LRRC8B: variants seen among roughly 807,000 people sequenced by gnomAD.
The protein encoded by LRRC8B is volume-regulated anion channel subunit LRRC8B.
A neutral mutation model predicts 58.8 loss-of-function variants in LRRC8B; 23 were observed. The ratio of observed to expected loss-of-function variants is 0.39; its 90% CI spans 0.28 to 0.55. LRRC8B has a LOEUF of 0.55. LRRC8B is among the 20% of genes least tolerant of loss of function. LRRC8B has a pLI of 0.62. For synonymous variants in LRRC8B, 359 were observed against 374.1 expected (o/e 0.96, Z 0.47); for missense variants, 694 against 936.0 (o/e 0.74, Z 3.37).
At chr1:89,551,634 TATA>T (rs1286319923) in intron 1 of LRRC8B, among the ~76,000 whole-genome samples, 1 of 152,176 alleles carries the variant, frequency 6.6e-6, no homozygotes, top group Non-Finnish European at 1.5e-5. Context: ...ATTCAATGAA[TATA>T]AATATAAAGG....
At position 89,596,526 on chromosome 1, in the gene LRRC8B, T is replaced by G. The variant is rs1655314559; in HGVS notation, c.*3483T>G. On this transcript the variant is annotated 3_prime_UTR_variant, in exon 6 of 6. Coordinates refer to ENST00000330947, the MANE Select transcript of LRRC8B (RefSeq NM_001369817.2). ...AAAATTTTATGTTTAATTAAAATAT[T>G]GCATAATATTGATGGGTTCAAAAAC... 6.6e-6 allele frequency: 1 copy of G among 152,128 alleles called. No homozygotes were observed. Among genetic ancestry groups the G allele is most frequent in the Admixed American group, 6.5e-5 (1 of 15,274 alleles). The allele number at this position is 152,128 out of a possible 1,614,324, so 9.4% of individuals were successfully genotyped here. A position where few individuals can be genotyped will look rare whatever the true frequency, so the allele number is the denominator to read the frequency against.
chr1:89,545,535 A>T (rs1317887262), intron 1 of LRRC8B, among the ~76,000 whole-genome samples: 1 of 152,194 alleles, frequency 6.6e-6, no homozygotes, highest in Non-Finnish European at 1.5e-5. Flanking sequence ...GCATTTACCA[A>T]GACATTTCCC....
intron 1 of LRRC8B, among the ~76,000 whole-genome samples, chr1:89,555,867 T>C (rs935644995): frequency 2.6e-5 from 4 of 152,186 alleles, no homozygotes; most frequent in Non-Finnish European, 5.9e-5. Context: ...ATGTTATGTG[T>C]GTAATAAAGT....
chr1:89,580,300 G>T (rs1570635531), intron 4 of LRRC8B, among the ~76,000 whole-genome samples: 1 of 152,128 alleles, frequency 6.6e-6, no homozygotes, highest in Non-Finnish European at 1.5e-5. Flanking sequence ...TGAGCATTGG[G>T]TTTCAGTATT....
chr1:89,552,383 C>T (rs967923947), intron 1 of LRRC8B, among the ~76,000 whole-genome samples: 1 of 152,144 alleles, frequency 6.6e-6, no homozygotes, highest in Non-Finnish European at 1.5e-5. Context: ...TACTTAGTAT[C>T]CATCTTAGCA....
chr1:89,564,167 T>A (rs1652871286), intron 1 of LRRC8B, among the ~76,000 whole-genome samples: 1 of 152,212 alleles, frequency 6.6e-6, no homozygotes, highest in Non-Finnish European at 1.5e-5. Flanking sequence ...TAAATGTTTC[T>A]TCATAAGAGG....
rs1459597956 is a variant in LRRC8B, at chr1:89,579,630, C to A, written c.-85C>A. 1.3e-5 allele frequency: 2 copies of A among 152,606 alleles called. No homozygotes were observed. Among genetic ancestry groups the A allele is most frequent in the Non-Finnish European group, 2.9e-5 (2 of 68,030 alleles). 9.5% of individuals were successfully genotyped at this position (152,606 alleles called of 1,614,324 possible). On this transcript the variant is annotated 5_prime_UTR_variant, in exon 4 of 6. Transcript: ENST00000330947. ...CAGAGATGGTGTGTCTAAGAAACTT[C>A]AAAAGGTGTAGACCTCCTGACTGAA... is the stretch of plus-strand genomic sequence containing the variant.
At chr1:89,573,440 A>G (rs114759452) in intron 3 of LRRC8B, among the ~76,000 whole-genome samples, 3,224 of 152,064 alleles carry the variant, frequency 0.021, 104 homozygotes, top group African/African-American at 0.073. Flanking sequence ...CATTTATTCA[A>G]TAACTTTCTC....
chr1:89,543,618 C>A (rs1030160603), intron 1 of LRRC8B, among the ~76,000 whole-genome samples: 1 of 152,144 alleles, frequency 6.6e-6, no homozygotes. Flanking sequence ...GCCTCAGCCT[C>A]CTGAGTAGCT....
At chr1:89,530,858 CG>C (rs1650075832) in intron 1 of LRRC8B, among the ~76,000 whole-genome samples, 1 of 152,036 alleles carries the variant, frequency 6.6e-6, no homozygotes, top group African/African-American at 2.4e-5. Flanking sequence ...TGGGAGGTGC[CG>C]TTTCTCCTTG....
intron 1 of LRRC8B, among the ~76,000 whole-genome samples, chr1:89,567,091 C>T (rs1392748492): frequency 6.6e-6 from 1 of 152,180 alleles, no homozygotes; most frequent in Non-Finnish European, 1.5e-5. Flanking sequence ...CGTGCTGACG[C>T]AGGCCGCCTG....
At chr1:89,576,470 G>T (rs137978551) in intron 3 of LRRC8B, among the ~76,000 whole-genome samples, 123 of 152,238 alleles carry the variant, frequency 8.1e-4, no homozygotes, top group Middle Eastern at 6.8e-3. Flanking sequence ...TTTTAAAAGT[G>T]CCCCAAGAGG....
intron 3 of LRRC8B, among the ~76,000 whole-genome samples, chr1:89,574,467 G>A (rs1408563270): frequency 6.6e-6 from 1 of 152,154 alleles, no homozygotes; most frequent in African/African-American, 2.4e-5. Flanking sequence ...TGAGAAAAAA[G>A]TCAGCAAGAC....
intron 5 of LRRC8B, among the ~76,000 whole-genome samples, chr1:89,587,405 G>A (rs1356677263): frequency 3.3e-5 from 5 of 152,074 alleles, no homozygotes; most frequent in South Asian, 2.1e-4. Flanking sequence ...ATGGTGGCAC[G>A]CGCCTGTAGT....
intron 1 of LRRC8B, among the ~76,000 whole-genome samples, chr1:89,535,207 C>G (rs1650441986): frequency 1.3e-5 from 2 of 152,042 alleles, no homozygotes; most frequent in African/African-American, 4.8e-5. Flanking sequence ...TCAATTACTC[C>G]CAATAAGACT....
chr1:89,582,238 G>GAA (rs1570639117), intron 4 of LRRC8B, among the ~76,000 whole-genome samples: 1 of 151,760 alleles, frequency 6.6e-6, no homozygotes, highest in South Asian at 2.1e-4. Context: ...AAAAAAGAAA[G>GAA]AAAGAAAGAA....
chr1:89,583,674 C>T lies in LRRC8B; in HGVS notation c.1024C>T (p.Leu342=). The T allele has an allele frequency of 6.2e-7, 1 of 1,613,960 alleles. No individual in the cohort carries two copies. Among genetic ancestry groups the T allele is most frequent in the Non-Finnish European group, 8.5e-7 (1 of 1,180,030 alleles). ...YSLWWMLRSS[L]KQYSFEALRE... Reference sequence around the variant, plus strand: ...CCTGTGGTGGATGCTGAGGAGTTCCCTGAAGCAATATTCCTTTGAGGCGTT... The same window carrying T: ...CCTGTGGTGGATGCTGAGGAGTTCCTTGAAGCAATATTCCTTTGAGGCGTT... The change falls in exon 5 of 6, where the codon CTG becomes TTG. Residue 342 remains leucine (L), a synonymous_variant. Coordinates refer to ENST00000330947, the MANE Select transcript of LRRC8B (RefSeq NM_001369817.2). The surrounding 1 kb of genome is among the most constrained non-coding windows in gnomAD (Gnocchi z 5.2).
chr1:89,590,370 C>A (rs1570653806), intron 5 of LRRC8B, among the ~76,000 whole-genome samples: 1 of 152,296 alleles, frequency 6.6e-6, no homozygotes, highest in Admixed American at 6.5e-5. Context: ...TAACAAAACT[C>A]CCCAGGCTCC....
rs1346777164 is a variant in LRRC8B, at chr1:89,592,844, T to C, written c.2213T>C (p.Met738Thr). 1 of 1,614,020 alleles carries C rather than the reference T, an allele frequency of 6.2e-7. No individual in the cohort carries two copies. The highest frequency in any genetic ancestry group is 1.3e-5 in the African/African-American group (1 of 74,928). ...TTACTTTTGGGGAAAAATAGCTTGA[T>C]GAATTTGTCCCCTCATGTGGGTGAG... The part of the protein sequence containing the change: ...QCLLLGKNSL[M>T]NLSPHVGELS... Residue 738 changes from methionine to threonine, a missense_variant, in exon 6 of 6, where the codon ATG (methionine) becomes ACG (threonine). Transcript: ENST00000330947.
Sources: gnomAD v4.1 joint callset for allele counts (sites outside exome capture counted in the v4.1 genomes callset) on GRCh38, gnomAD v4.1.1 for gene constraint, Gnocchi (gnomAD v3.1) non-coding constraint, MANE v1.5 for transcripts, NCBI Gene and HGNC (gene_info 2026-07-23, HGNC 2026-07-21) for gene names.